Variants in CEP72 observed in about 807,000 individuals in gnomAD.
CEP72 encodes centrosomal protein of 72 kDa.
Under a neutral mutation model 65.7 loss-of-function variants are expected in CEP72, and 78 were observed. That is an observed-to-expected ratio of 1.19 (90% CI 0.99 to 1.43). The LOEUF is 1.43. Among genes scored for constraint, CEP72 ranks in the 40% most tolerant of loss-of-function variants. The probability of loss-of-function intolerance (pLI) is 0.00; values close to 1 mark genes in which losing one functional copy is unlikely to be tolerated. For synonymous variants in CEP72, 358 were observed against 351.7 expected, an observed-to-expected ratio of 1.02 and a Z score of -0.20; for missense variants, 914 against 832.9, an observed-to-expected ratio of 1.10 and a Z score of -1.20.
At chr5:614,882 T>C (rs1320189596) in intron 1 of CEP72, among the ~76,000 whole-genome samples, 2 of 152,214 alleles carry the variant, frequency 1.3e-5, no homozygotes, top group African/African-American at 4.8e-5. Flanking sequence ...TGGAGTGTTA[T>C]GTAAATACAT....
At chr5:656,251 C>T (rs573032651), downstream of CEP72, among the ~76,000 whole-genome samples, 1 of 152,300 alleles carries the variant, frequency 6.6e-6, no homozygotes, top group East Asian at 1.9e-4. Flanking sequence ...GGGGCGCGTA[C>T]CTCCATCTTA....
chr5:620,250 T>A lies in CEP72; in HGVS notation c.392T>A (p.Leu131His). Residue 131 changes from leucine (L) to histidine (H), a missense_variant, in exon 3 of 12, where the codon CTC becomes CAC. Leu to His is a moderately conservative substitution (Grantham distance 99, BLOSUM62 -3). Coordinates refer to ENST00000264935, the MANE Select transcript of CEP72 (RefSeq NM_018140.4). ...RLFVVHLLPK[L>H]QQLDDRPVRA... is the part of the protein sequence containing the mutation. ...TTTGTTGTGCACCTGCTCCCCAAGC[T>A]CCAGCAGCTGGGTAGGCATCAGGCA... is the stretch of plus-strand genomic sequence containing the variant. 1 of 1,613,260 alleles carries A rather than the reference T, an allele frequency of 6.2e-7. No individual in the cohort carries two copies. Among genetic ancestry groups the A allele is most frequent in the Non-Finnish European group, 8.5e-7 (1 of 1,179,236 alleles).
chr5:629,773 G>A (rs1283884822), intron 4 of CEP72, among the ~76,000 whole-genome samples: 2 of 48,890 alleles, frequency 4.1e-5, no homozygotes, highest in South Asian at 1.0e-3. Flanking sequence ...CCGGGATTTG[G>A]CCCAGTCCTG....
Position 619,027 on chromosome 5 carries a change from A to G in CEP72, c.120A>G (p.Gln40=), listed in dbSNP as rs1736197394. The part of the protein sequence containing the change: ...LQSLSIPGTY[Q]EKITHLGHSL... ...CATTGTCTATTCCTGGAACTTACCAAGAGAAGATCACCCACCTGGGACATT... is the reference window on the plus strand; with the variant it reads ...CATTGTCTATTCCTGGAACTTACCAGGAGAAGATCACCCACCTGGGACATT... The change falls in exon 2 of 12, where the codon CAA becomes CAG. Residue 40 remains glutamine (Q), a synonymous_variant. Transcript: ENST00000264935. The G allele has an allele frequency of 6.2e-7, 1 of 1,612,608 alleles. No homozygotes were observed. Among genetic ancestry groups the G allele is most frequent in the African/African-American group, 1.3e-5 (1 of 74,900 alleles).
At chr5:644,568 T>A in intron 10 of CEP72, 143 bp downstream of exon 10, 1 of 946,766 alleles carries the variant, frequency 1.1e-6, no homozygotes, top group Non-Finnish European at 1.6e-6. Flanking sequence ...CCTGCCTCAC[T>A]GGCTGGGGTG....
chr5:626,277 C>G (rs942743517), intron 4 of CEP72, among the ~76,000 whole-genome samples: 1 of 152,032 alleles, frequency 6.6e-6, no homozygotes, highest in Admixed American at 6.6e-5. Context: ...GTTGGGAAGT[C>G]TGGTGAGAGG....
intron 4 of CEP72, among the ~76,000 whole-genome samples, chr5:627,655 T>C (rs912692962): frequency 2.6e-5 from 4 of 152,248 alleles, no homozygotes; most frequent in Admixed American, 2.0e-4. Context: ...TCTGCCATTT[T>C]TTGCTGACAC....
chr5:625,133 C>T (rs1271007438), intron 4 of CEP72, among the ~76,000 whole-genome samples: 1 of 152,200 alleles, frequency 6.6e-6, no homozygotes, highest in Non-Finnish European at 1.5e-5. Flanking sequence ...CCCTTGCAGC[C>T]CCAGCCCTGC....
At chr5:615,731 G>A (rs1020309062) in intron 1 of CEP72, among the ~76,000 whole-genome samples, 2 of 152,018 alleles carry the variant, frequency 1.3e-5, no homozygotes, top group African/African-American at 4.8e-5. Flanking sequence ...TGTTTCCTGT[G>A]TTTTTTCTTC....
intron 11 of CEP72, among the ~76,000 whole-genome samples, chr5:650,882 TG>T (rs377051505): frequency 0.019 from 1 of 54 alleles, no homozygotes; most frequent in Non-Finnish European, 0.038. Context: ...CTGTGAGGCG[TG>T]GACTGTGAGG....
rs1344146564 is a variant in CEP72, at chr5:645,398, T to C, written c.1666+973T>C. Among the ~76,000 whole-genome samples, 1 of 152,006 alleles carries C rather than the reference T, an allele frequency of 6.6e-6. No homozygotes were observed. Among genetic ancestry groups the C allele is most frequent in the African/African-American group, 2.4e-5 (1 of 41,374 alleles). On this transcript the variant is annotated intron_variant, in intron 10 of 11. Transcript: ENST00000264935. The surrounding 1 kb of genome is among the most constrained non-coding windows in gnomAD (Gnocchi z 4.0). Reference sequence around the variant, plus strand: ...CTTCTGTTTCTTTAAGATACTGTTATATTTACAACGGGTCCTTGAATAACC... The same window carrying C: ...CTTCTGTTTCTTTAAGATACTGTTACATTTACAACGGGTCCTTGAATAACC...
At chr5:668,351 G>C (rs61495967), downstream of CEP72, among the ~76,000 whole-genome samples, 210 of 92,582 alleles carry the variant, frequency 2.3e-3, no homozygotes, top group African/African-American at 9.5e-3. Flanking sequence ...AGGGAAGTGC[G>C]GACAAGCACA....
At chr5:656,076 G>C (rs920961020), downstream of CEP72, among the ~76,000 whole-genome samples, 2 of 152,128 alleles carry the variant, frequency 1.3e-5, no homozygotes, top group African/African-American at 4.8e-5. Context: ...ATTCTACCCA[G>C]AATTGATTTT....
chr5:673,311 G>A, the CEP72 span, among the ~76,000 whole-genome samples: 1 of 152,196 alleles, frequency 6.6e-6, no homozygotes, highest in Non-Finnish European at 1.5e-5. Flanking sequence ...GTACACCTGG[G>A]AGGTCAGGAC....
rs1192708635 is a variant in CEP72 at position 623,186 on chromosome 5, G to A, written c.404-1285G>A. ...TAGTGTTTCTGCAGAGAAGGAGCGC[G>A]ACCGTCTCCCCTCTTAGTGTTTCTA... On this transcript the variant is annotated intron_variant, in intron 3 of 11. Coordinates refer to ENST00000264935, the MANE Select transcript of CEP72 (RefSeq NM_018140.4). This position sits in a 1 kb window ranked among gnomAD's most constrained non-coding sequence, Gnocchi z 5.3. Among the ~76,000 whole-genome samples the A allele has an allele frequency of 1.1e-4, 16 of 151,746 alleles. No individual in the cohort carries two copies. Among genetic ancestry groups the A allele is most frequent in the Non-Finnish European group, 1.9e-4 (13 of 67,926 alleles).
At chr5:670,034 A>C (rs755731921), downstream of CEP72, among the ~76,000 whole-genome samples, 12 of 152,066 alleles carry the variant, frequency 7.9e-5, no homozygotes, top group Non-Finnish European at 1.6e-4. Context: ...GCCGCTGCTC[A>C]TACACGATGC....
downstream of CEP72, among the ~76,000 whole-genome samples, chr5:671,063 AC>A (rs568332032): frequency 3.3e-5 from 5 of 152,120 alleles, no homozygotes; most frequent in African/African-American, 1.2e-4. Context: ...CCCCAGGCAC[AC>A]CCACCATGAA....
Position 620,107 on chromosome 5 carries a change from C to T in CEP72, c.249C>T (p.Leu83=), listed in dbSNP as rs756674664. Residue 83 remains leucine (L), a synonymous_variant, in exon 3 of 12, where the codon CTC becomes CTT. Transcript: ENST00000264935. ...TGACTGCATTGGAGAGTCTCAATCT[C>T]TACTACAACTGCATCTCCTCGTTGG... is the stretch of plus-strand genomic sequence containing the variant. ...QYLTALESLN[L]YYNCISSLAE... The T allele has an allele frequency of 6.2e-7, 1 of 1,614,092 alleles. No homozygotes were observed. The highest frequency in any genetic ancestry group is 1.1e-5 in the South Asian group (1 of 91,088).
At chr5:627,702 G>A (rs932879480) in intron 4 of CEP72, among the ~76,000 whole-genome samples, 1 of 152,112 alleles carries the variant, frequency 6.6e-6, no homozygotes, top group Non-Finnish European at 1.5e-5. Flanking sequence ...TTACAAGATT[G>A]TTTCAAATTT....
Sources: allele counts gnomAD v4.1 joint callset (sites outside exome capture counted in the v4.1 genomes callset), GRCh38; gene constraint gnomAD v4.1.1; non-coding constraint Gnocchi (gnomAD v3.1); transcripts MANE v1.5; gene names NCBI Gene and HGNC (gene_info 2026-07-23, HGNC 2026-07-21).